UNK: variants seen among roughly 807,000 people sequenced by gnomAD.
The protein encoded by UNK is unk zinc finger.
A neutral mutation model predicts 97.6 loss-of-function variants in UNK; 32 were observed. The ratio of observed to expected loss-of-function variants is 0.33; its 90% CI spans 0.25 to 0.44. The LOEUF (loss-of-function observed/expected upper bound fraction) is 0.44. UNK is among the 20% of genes least tolerant of loss of function. The pLI, the probability that UNK is intolerant of heterozygous loss-of-function variation, is 1.00. For missense variants in UNK, 771 were observed against 1,098.4 expected, an observed-to-expected ratio of 0.70 and a Z score of 4.21; for synonymous variants, 441 against 461.2, an observed-to-expected ratio of 0.96 and a Z score of 0.56.
chr17:75,785,807 G>A (rs1256240971), intron 1 of UNK: 1 of 152,138 alleles, frequency 6.6e-6, no homozygotes, highest in African/African-American at 2.4e-5. Context: ...AATAAGGGGC[G>A]GTTTCTCCTG....
rs566932383 is a variant in UNK at position 75,794,050 on chromosome 17, G to GA, written c.104+9067dup. The GA allele has an allele frequency of 1.3e-5, 13 of 985,254 alleles. No individual in the cohort carries two copies. The East Asian group carries it at 1.5e-3, about 112-fold the overall frequency. 61.0% of individuals were successfully genotyped at this position (985,254 alleles called of 1,614,324 possible). A position where few individuals can be genotyped will look rare whatever the true frequency, so the allele number is the denominator to read the frequency against. On this transcript the variant is annotated intron_variant, in intron 1 of 15. Transcript: ENST00000589666. ...GTCACTTCAGGATTTGTGTGAATCA[G>GA]ACCATCTAAATATAATATAAATTAG...
chr17:75,790,688 T>G (rs1239286605), intron 1 of UNK, among the ~76,000 whole-genome samples: 2 of 151,778 alleles, frequency 1.3e-5, no homozygotes, highest in Non-Finnish European at 2.9e-5. Flanking sequence ...CTTGACACTT[T>G]GGGAGGCCGA....
At chr17:75,799,613 C>G (rs1309871217) in intron 1 of UNK, among the ~76,000 whole-genome samples, 1 of 152,188 alleles carries the variant, frequency 6.6e-6, no homozygotes, top group Admixed American at 6.5e-5. Flanking sequence ...TCTCAAGCAC[C>G]TGCTGTGGGT....
At chr17:75,809,047 C>A (rs947791875) in intron 1 of UNK, 5 of 123,132 alleles carry the variant, frequency 4.1e-5, no homozygotes, top group Non-Finnish European at 7.9e-5. Flanking sequence ...CAGGTACTCA[C>A]ATGAGGTGAC....
intron 1 of UNK, among the ~76,000 whole-genome samples, chr17:75,801,540 T>C (rs998944267): frequency 2.0e-5 from 3 of 151,894 alleles, no homozygotes; most frequent in African/African-American, 7.3e-5. Flanking sequence ...GAAGGAAATA[T>C]TCCTTTAAAA....
At chr17:75,791,393 C>T (rs560517479) in intron 1 of UNK, among the ~76,000 whole-genome samples, 12 of 152,212 alleles carry the variant, frequency 7.9e-5, no homozygotes, top group Admixed American at 3.9e-4. Context: ...AAATCCTGGA[C>T]ATGAACATGT....
At chr17:75,808,298 A>C (rs577635510) in intron 1 of UNK, among the ~76,000 whole-genome samples, 1 of 152,296 alleles carries the variant, frequency 6.6e-6, no homozygotes, top group Non-Finnish European at 1.5e-5. Context: ...CAAATGCCAA[A>C]GGGACCAGAA....
intron 1 of UNK, among the ~76,000 whole-genome samples, chr17:75,798,216 G>A (rs1023748640): frequency 6.6e-6 from 1 of 152,020 alleles, no homozygotes; most frequent in Non-Finnish European, 1.5e-5. Flanking sequence ...GATTACAGGT[G>A]TGTGCCACCA....
Position 75,818,634 on chromosome 17 carries a change from C to T in UNK, c.1372-8C>T, listed in dbSNP as rs972245590. 40 of 1,584,036 alleles carry T rather than the reference C, an allele frequency of 2.5e-5. No individual in the cohort carries two copies. The Admixed American group carries it at 4.5e-4, about 18-fold the overall frequency. ...CCATTGCTTCTCCTCTTCCCTCTCTCGTTGCAGGACATGCTGGGCATCCTC... is the reference window on the plus strand; with the variant it reads ...CCATTGCTTCTCCTCTTCCCTCTCTTGTTGCAGGACATGCTGGGCATCCTC... On this transcript the variant is annotated splice_region_variant and splice_polypyrimidine_tract_variant and intron_variant, in intron 10 of 15. Transcript: ENST00000589666. The surrounding 1 kb of genome is among the most constrained non-coding windows in gnomAD (Gnocchi z 5.1).
rs2062032018 is a variant in UNK, at chr17:75,817,968, G to A, written c.1306-135G>A. Reference sequence around the variant, plus strand: ...GAGTAGGGGGTGGGGAGGAAGAAGGGGGTGTGTGCATGCATGTGAAGAGGG... The same window carrying A: ...GAGTAGGGGGTGGGGAGGAAGAAGGAGGTGTGTGCATGCATGTGAAGAGGG... On this transcript the variant is annotated intron_variant, in intron 9 of 15. Transcript: ENST00000589666. The surrounding 1 kb of genome is among the most constrained non-coding windows in gnomAD (Gnocchi z 5.8). The A allele has an allele frequency of 1.3e-6, 1 of 793,794 alleles. No homozygotes were observed. 49.2% of individuals were successfully genotyped at this position (793,794 alleles called of 1,614,324 possible).
chr17:75,821,740 A>G (rs1240173682), intron 13 of UNK: 3 of 456,414 alleles, frequency 6.6e-6, no homozygotes, highest in Non-Finnish European at 1.3e-5. Context: ...CCTTCTCGGA[A>G]GCCCGGGGCT....
chr17:75,791,790 C>T, intron 1 of UNK: 2 of 985,422 alleles, frequency 2.0e-6, no homozygotes, highest in Non-Finnish European at 2.4e-6. Flanking sequence ...GGCTTCCCCA[C>T]AACCCATATG....
At chr17:75,804,864 A>G (rs1376764760) in intron 1 of UNK, among the ~76,000 whole-genome samples, 2 of 150,328 alleles carry the variant, frequency 1.3e-5, no homozygotes, top group Non-Finnish European at 3.0e-5. Context: ...GTAGAATTCT[A>G]CAATTGTCAT....
intron 13 of UNK, chr17:75,821,615 A>G (rs1264711375): frequency 2.2e-6 from 1 of 456,682 alleles, no homozygotes; most frequent in Admixed American, 2.3e-5. Context: ...CTCAGAGAGC[A>G]AAGCGTCTTA....
At position 75,818,201 on chromosome 17, in the gene UNK, G is replaced by A. The variant is rs750363507; in HGVS notation, c.1371+33G>A. 4 of 1,611,860 alleles carry A rather than the reference G, an allele frequency of 2.5e-6. 1 individual carries two copies. The Admixed American group carries it at 5.0e-5, about 20-fold the overall frequency. ...GCTCTCAGCCCCCTTCCTCCCCTCTGCTGTGGACAGGAGTGGCCCAGAACC... is the reference window on the plus strand; with the variant it reads ...GCTCTCAGCCCCCTTCCTCCCCTCTACTGTGGACAGGAGTGGCCCAGAACC... On this transcript the variant is annotated intron_variant, in intron 10 of 15. Transcript: ENST00000589666. This position sits in a 1 kb window ranked among gnomAD's most constrained non-coding sequence, Gnocchi z 5.1.
Position 75,816,566 on chromosome 17 carries a change from C to G in UNK, c.962-204C>G, listed in dbSNP as rs1035884117. 2.6e-5 allele frequency among the ~76,000 whole-genome samples: 4 copies of G among 152,210 alleles called. No homozygotes were observed. The highest frequency in any genetic ancestry group is 4.4e-5 in the Non-Finnish European group (3 of 68,048). On this transcript the variant is annotated intron_variant, in intron 7 of 15. Transcript: ENST00000589666. The surrounding 1 kb of genome is among the most constrained non-coding windows in gnomAD (Gnocchi z 4.0). The stretch of plus-strand genomic sequence containing the variant: ...CATATTACTGGTATCTTCTGGTCAC[C>G]ATGAAGATTCACAATTACTGCAAAG...
chr17:75,815,515 G>A (rs2062008760), intron 7 of UNK, among the ~76,000 whole-genome samples: 1 of 152,194 alleles, frequency 6.6e-6, no homozygotes, highest in Non-Finnish European at 1.5e-5. Flanking sequence ...TCCAGGGAGG[G>A]TTGAGGCACT....
At chr17:75,791,622 C>A in intron 1 of UNK, 1 of 519,586 alleles carries the variant, frequency 1.9e-6, no homozygotes, top group Non-Finnish European at 2.5e-6. Context: ...TCATTTAATC[C>A]CACAAAATCC....
chr17:75,817,012 A>G lies in UNK; in HGVS notation c.1104+100A>G. On this transcript the variant is annotated intron_variant, in intron 8 of 15. Transcript: ENST00000589666. This position sits in a 1 kb window ranked among gnomAD's most constrained non-coding sequence, Gnocchi z 5.8. ...CCTGGGCTTGGGAGACCATCCTGGT[A>G]TTTGTCCTCAGGCCAGGGGGATCTG... 6.9e-7 allele frequency: 1 copy of G among 1,444,784 alleles called. No homozygotes were observed. Among genetic ancestry groups the G allele is most frequent in the Non-Finnish European group, 9.2e-7 (1 of 1,089,014 alleles). 89.5% of individuals were successfully genotyped at this position (1,444,784 alleles called of 1,614,324 possible).
Sources: allele counts gnomAD v4.1 joint callset (sites outside exome capture counted in the v4.1 genomes callset), GRCh38; gene constraint gnomAD v4.1.1; non-coding constraint Gnocchi (gnomAD v3.1); transcripts MANE v1.5; gene names NCBI Gene and HGNC (gene_info 2026-07-23, HGNC 2026-07-21).